The following AP5B1 variants were observed in gnomAD, a reference collection of about 807,000 sequenced individuals.
AP5B1 encodes AP-5 complex subunit beta-1.
In AP5B1, 3 loss-of-function variants were observed where a neutral mutation model predicts 5.7. That is an observed-to-expected ratio of 0.53 (90% CI 0.24 to 1.36). The LOEUF (loss-of-function observed/expected upper bound fraction) is 1.36, where lower values mean the gene tolerates loss of function less well. AP5B1 is among the 40% of genes most tolerant of loss of function. AP5B1 has a pLI of 0.17. For missense variants in AP5B1, 1,310 were observed against 1,143.2 expected, an observed-to-expected ratio of 1.15 and a Z score of -2.10; for synonymous variants, 696 against 555.5, an observed-to-expected ratio of 1.25 and a Z score of -3.56.
rs776862688 is a variant in AP5B1 at position 65,780,009 on chromosome 11, G to T, written c.484C>A (p.Pro162Thr). The T allele has an allele frequency of 1.0e-4, 160 of 1,563,176 alleles. 1 individual carries two copies. Among genetic ancestry groups the T allele is most frequent in the Non-Finnish European group, 1.3e-4 (147 of 1,154,312 alleles). The change falls in exon 2 of 2, where the codon CCC becomes ACC. Residue 162 changes from proline to threonine, a missense_variant. By Grantham distance (38) the Pro-to-Thr change is conservative. Transcript: ENST00000532090. ...ECLRELESCK[P>T]GLLGGSLGLL... Reference sequence around the variant, plus strand: ...CCCAGGGAGCCCCCCAGCAGCCCGGGCTTGCAGCTCTCTAGCTCTCGCAGG... The same window carrying T: ...CCCAGGGAGCCCCCCAGCAGCCCGGTCTTGCAGCTCTCTAGCTCTCGCAGG...
chr11:65,778,314 G>A lies in AP5B1; in HGVS notation c.2179C>T (p.Pro727Ser). Residue 727 changes from proline to serine, a missense_variant, in exon 2 of 2, where the codon CCT (proline) becomes TCT (serine). Coordinates refer to ENST00000532090, the MANE Select transcript of AP5B1 (RefSeq NM_138368.5). ...GGGGCCGGGCATCGGGGCTGCAGAG[G>A]CAGGAGCAGAGGGCGGGCAGGGCGG... ...PGRPARPLLLPLQPRCPAPAR... is the reference protein window; with the variant it reads ...PGRPARPLLLSLQPRCPAPAR... 6.2e-7 allele frequency: 1 copy of A among 1,612,788 alleles called. No homozygotes were observed. The highest frequency in any genetic ancestry group is 8.5e-7 in the Non-Finnish European group (1 of 1,179,844).
At position 65,779,353 on chromosome 11, in the gene AP5B1, C is replaced by T. The variant is rs765868577; in HGVS notation, c.1140G>A (p.Pro380=). The T allele has an allele frequency of 3.8e-6, 6 of 1,592,494 alleles. No individual in the cohort carries two copies. The Admixed American group carries it at 8.6e-5, about 23-fold the overall frequency. Residue 380 remains proline (P), a synonymous_variant, in exon 2 of 2, where the codon CCG becomes CCA. Coordinates refer to ENST00000532090, the MANE Select transcript of AP5B1 (RefSeq NM_138368.5). ...CAGCCTCCTCACCTTCAGGGCCCAG[C>T]GGCCAGTTCTCAGGGAAGCTCAGGA... The part of the protein sequence containing the change: ...HCVLSFPENW[P]LGPEGEEAAP...
At position 65,780,119 on chromosome 11, in the gene AP5B1, A is replaced by G. The variant is rs1271213931; in HGVS notation, c.374T>C (p.Leu125Pro). The G allele has an allele frequency of 6.6e-7, 1 of 1,504,880 alleles. No individual in the cohort carries two copies. The highest frequency in any genetic ancestry group is 2.5e-5 in the East Asian group (1 of 39,248). The allele number at this position is 1,504,880 out of a possible 1,614,324, so 93.2% of individuals were successfully genotyped here. Residue 125 changes from leucine (L) to proline (P), a missense_variant, in exon 2 of 2, where the codon CTC becomes CCC. By Grantham distance (98) the Leu-to-Pro change is moderately conservative. Coordinates refer to ENST00000532090, the MANE Select transcript of AP5B1 (RefSeq NM_138368.5). ...GASCRLLPLLLGLAAGSDLGR... is the reference protein window; with the variant it reads ...GASCRLLPLLPGLAAGSDLGR... ...CAGATCGCTACCCGCGGCCAGGCCG[A>G]GCAGTAGGGGCAGGAGCCGGCAGGA... is the stretch of plus-strand genomic sequence containing the variant.
rs755163611 is a variant in AP5B1 at position 65,779,206 on chromosome 11, CTCT to C, written c.1284_1286del (p.Glu430del). On this transcript the variant is annotated inframe_deletion, in exon 2 of 2. Transcript: ENST00000532090. ...GTGGGCTTGGAAGCTGGCCTTTCTC[CTCT>C]TCTTCCTCCTCGGCACAGAGCAGGC... 5.0e-6 allele frequency: 8 copies of C among 1,605,862 alleles called. No individual in the cohort carries two copies. Among genetic ancestry groups the C allele is most frequent in the East Asian group, 4.5e-5 (2 of 44,834 alleles).
chr11:65,778,600 C>G lies in AP5B1; in HGVS notation c.1893G>C (p.Leu631=), dbSNP rs773089514. ...GTGCAGGTGCGGCAAGCGAGGGGCC[C>G]AGGGCCACCCCCAACTTGGGTGCTG... ...HLAAPKLGVA[L]GPSLAAPALA... Residue 631 remains leucine, a synonymous_variant, in exon 2 of 2, where the codon CTG becomes CTC. Coordinates refer to ENST00000532090, the MANE Select transcript of AP5B1 (RefSeq NM_138368.5). The G allele has an allele frequency of 6.3e-7, 1 of 1,594,106 alleles. No homozygotes were observed. Among genetic ancestry groups the G allele is most frequent in the African/African-American group, 1.3e-5 (1 of 74,710 alleles).
In AP5B1 at chr11:65,774,207, C is replaced by T. The variant is rs1049462183; in HGVS notation, c.*3649G>A. Among the ~76,000 whole-genome samples, 2 of 152,222 alleles carry T rather than the reference C, an allele frequency of 1.3e-5. No individual in the cohort carries two copies. The highest frequency in any genetic ancestry group is 2.9e-5 in the Non-Finnish European group (2 of 68,036). ...GGCCACGAGGTGGCATCTGTTCAGT[C>T]GGTGGGGTTTTAGGATTTTTAGTTT... On this transcript the variant is annotated 3_prime_UTR_variant, in exon 2 of 2. Coordinates refer to ENST00000532090, the MANE Select transcript of AP5B1 (RefSeq NM_138368.5).
rs1309628194 is a variant in AP5B1 at position 65,779,786 on chromosome 11, T to G, written c.707A>C (p.Gln236Pro). ...TLVEEGDGRL[Q>P]PQAPSWPAAE... ...TGCCGGCCAGCTGGGTGCCTGGGGC[T>G]GAAGGCGTCCATCGCCCTCCTCCAC... is the stretch of plus-strand genomic sequence containing the variant. The change falls in exon 2 of 2, where the codon CAG becomes CCG. Residue 236 changes from glutamine to proline, a missense_variant. By Grantham distance (76) the Gln-to-Pro change is moderately conservative. Coordinates refer to ENST00000532090, the MANE Select transcript of AP5B1 (RefSeq NM_138368.5). 5 of 1,584,454 alleles carry G rather than the reference T, an allele frequency of 3.2e-6. No homozygotes were observed. The highest frequency in any genetic ancestry group is 4.3e-6 in the Non-Finnish European group (5 of 1,165,820).
In AP5B1 at chr11:65,776,917, C is replaced by G. The variant is rs1857771318; in HGVS notation, c.*939G>C. 1 of 152,110 alleles carries G rather than the reference C, an allele frequency of 6.6e-6. No homozygotes were observed. The highest frequency in any genetic ancestry group is 6.6e-5 in the Admixed American group (1 of 15,266). The allele number at this position is 152,110 out of a possible 1,614,324, so 9.4% of individuals were successfully genotyped here. A position where few individuals can be genotyped will look rare whatever the true frequency, so the allele number is the denominator to read the frequency against. On this transcript the variant is annotated 3_prime_UTR_variant, in exon 2 of 2. Transcript: ENST00000532090. The stretch of plus-strand genomic sequence containing the variant: ...GCTGAGGCAGAAGAGTCATTTAAGC[C>G]CAGGAGTTCGAGACCAGCCTAGGAA...
chr11:65,778,530 G>A lies in AP5B1; in HGVS notation c.1963C>T (p.Leu655=). ...AGGGCCGGTGCCTCCTGCACCATCA[G>A]TGCTGCCACAAAGCCCTGGTTCTCG... The part of the protein sequence containing the change: ...VAENQGFVAA[L]MVQEAPALVR... The change falls in exon 2 of 2, where the codon CTG becomes TTG. Residue 655 remains leucine (L), a synonymous_variant. Transcript: ENST00000532090. 6.3e-7 allele frequency: 1 copy of A among 1,577,068 alleles called. No homozygotes were observed. The highest frequency in any genetic ancestry group is 8.6e-7 in the Non-Finnish European group (1 of 1,164,834).
Position 65,780,628 on chromosome 11 carries a change from C to A in AP5B1, c.-37G>T. On this transcript the variant is annotated 5_prime_UTR_variant, in exon 1 of 2. Transcript: ENST00000532090. ...CGGGCCCCTGCGCAGGGAAGAGGGA[C>A]CCTCAGGCCGCAGCCACCGGGAGCG... The A allele has an allele frequency of 7.6e-7, 1 of 1,322,652 alleles. No homozygotes were observed. Among genetic ancestry groups the A allele is most frequent in the Non-Finnish European group, 9.6e-7 (1 of 1,037,078 alleles). 81.9% of individuals were successfully genotyped at this position (1,322,652 alleles called of 1,614,324 possible).
At position 65,779,802 on chromosome 11, in the gene AP5B1, C is replaced by G; in HGVS notation, c.691G>C (p.Gly231Arg). 6.3e-7 allele frequency: 1 copy of G among 1,585,964 alleles called. No homozygotes were observed. The highest frequency in any genetic ancestry group is 8.6e-7 in the Non-Finnish European group (1 of 1,166,172). Residue 231 changes from glycine (G) to arginine (R), a missense_variant, in exon 2 of 2, where the codon GGC (glycine) becomes CGC (arginine). Physicochemically the swap from Gly to Arg is moderately radical, Grantham distance 125. Coordinates refer to ENST00000532090, the MANE Select transcript of AP5B1 (RefSeq NM_138368.5). ...GCCTGGGGCTGAAGGCGTCCATCGC[C>G]CTCCTCCACTAGTGTCCAATCCCAG... is the stretch of plus-strand genomic sequence containing the variant. ...GPWDWTLVEE[G>R]DGRLQPQAPS...
In AP5B1 at chr11:65,780,232, C is replaced by CG. The variant is rs1857832359; in HGVS notation, c.260dup (p.Arg88AlafsTer44). On this transcript the variant is annotated frameshift_variant, in exon 2 of 2. Coordinates refer to ENST00000532090, the MANE Select transcript of AP5B1 (RefSeq NM_138368.5). LOFTEE classifies it low-confidence loss of function (END_TRUNC). ...GTGGCCGACGGAGAGCTGAGGGCCG[C>CG]GGGGGTAGGAGGACCAAGGTGTCCA... 2.0e-6 allele frequency: 3 copies of CG among 1,512,050 alleles called. No individual in the cohort carries two copies. The highest frequency in any genetic ancestry group is 2.6e-6 in the Non-Finnish European group (3 of 1,134,020). The allele number at this position is 1,512,050 out of a possible 1,614,324, so 93.7% of individuals were successfully genotyped here.
rs1445185510 is a variant in AP5B1 at position 65,779,714 on chromosome 11, C to T, written c.779G>A (p.Ser260Asn). The T allele has an allele frequency of 1.2e-6, 2 of 1,610,756 alleles. No homozygotes were observed. The highest frequency in any genetic ancestry group is 1.3e-5 in the African/African-American group (1 of 75,028). Residue 260 changes from serine to asparagine, a missense_variant, in exon 2 of 2, where the codon AGC (serine) becomes AAC (asparagine). Ser to Asn is a conservative substitution (Grantham distance 46). Coordinates refer to ENST00000532090, the MANE Select transcript of AP5B1 (RefSeq NM_138368.5). ...GERSLTAREH[S>N]PEEARELRAA... ...CCGCAGCTCCCGCGCCTCCTCAGGG[C>T]TGTGCTCTCGTGCTGTAAGGCTACG...
chr11:65,780,533 G>C lies in AP5B1; in HGVS notation c.59C>G (p.Pro20Arg), dbSNP rs1010440662. Residue 20 changes from proline (P) to arginine (R), a missense_variant, in exon 1 of 2, where the codon CCG (proline) becomes CGG (arginine). Pro to Arg is a moderately radical substitution (Grantham distance 103, BLOSUM62 -2). Transcript: ENST00000532090. ...AQRLGAFRAS[P>R]SAFMAGPEGE... ...CTCGGGACCTGCCATGAAGGCAGAC[G>C]GGCTGGCCCGGAAGGCCCCCAAGCG... 5.3e-6 allele frequency: 8 copies of C among 1,512,196 alleles called. No individual in the cohort carries two copies. The East Asian group carries it at 1.3e-4, about 25-fold the overall frequency. 93.7% of individuals were successfully genotyped at this position (1,512,196 alleles called of 1,614,324 possible).
chr11:65,780,557 C>T lies in AP5B1; in HGVS notation c.35G>A (p.Arg12His). 1 of 1,500,932 alleles carries T rather than the reference C, an allele frequency of 6.7e-7. No homozygotes were observed. Among genetic ancestry groups the T allele is most frequent in the Non-Finnish European group, 8.8e-7 (1 of 1,130,852 alleles). The allele number at this position is 1,500,932 out of a possible 1,614,324, so 93.0% of individuals were successfully genotyped here. ...CGGGCTGGCCCGGAAGGCCCCCAAGCGCTGGGCCCAGGCGTCCCGGCTCAG... is the reference window on the plus strand; with the variant it reads ...CGGGCTGGCCCGGAAGGCCCCCAAGTGCTGGGCCCAGGCGTCCCGGCTCAG... ...GPLSRDAWAQ[R>H]LGAFRASPSA... Residue 12 changes from arginine (R) to histidine (H), a missense_variant, in exon 1 of 2, where the codon CGC (arginine) becomes CAC (histidine). By Grantham distance (29) the Arg-to-His change is conservative. Transcript: ENST00000532090.
At position 65,779,501 on chromosome 11, in the gene AP5B1, T is replaced by G; in HGVS notation, c.992A>C (p.Lys331Thr). ...GAACAAGGCCTCACCAAAGGCCGCC[T>G]TGAGCGCAAGCATGGCGTGCAACAG... ...LTLLHAMLAL[K>T]AAFGEALFTA... The change falls in exon 2 of 2, where the codon AAG becomes ACG. Residue 331 changes from lysine to threonine, a missense_variant. Coordinates refer to ENST00000532090, the MANE Select transcript of AP5B1 (RefSeq NM_138368.5). 1.2e-6 allele frequency: 2 copies of G among 1,603,874 alleles called. No homozygotes were observed. Among genetic ancestry groups the G allele is most frequent in the Non-Finnish European group, 8.5e-7 (1 of 1,176,108 alleles).
In AP5B1 at chr11:65,780,657, G is replaced by C. The variant is rs1857840207; in HGVS notation, c.-66C>G. On this transcript the variant is annotated 5_prime_UTR_variant, in exon 1 of 2. Transcript: ENST00000532090. The stretch of plus-strand genomic sequence containing the variant: ...CAGGCCGCAGCCACCGGGAGCGCGG[G>C]GCCCGCTGCCGACCCCGAGGGGCTG... 1.5e-6 allele frequency: 2 copies of C among 1,298,042 alleles called. No homozygotes were observed. The highest frequency in any genetic ancestry group is 2.0e-6 in the Non-Finnish European group (2 of 1,023,796). The allele number at this position is 1,298,042 out of a possible 1,614,324, so 80.4% of individuals were successfully genotyped here. A position where few individuals can be genotyped will look rare whatever the true frequency, so the allele number is the denominator to read the frequency against.
rs1006008324 is a variant in AP5B1 at position 65,776,315 on chromosome 11, T to C, written c.*1541A>G. On this transcript the variant is annotated 3_prime_UTR_variant, in exon 2 of 2. Coordinates refer to ENST00000532090, the MANE Select transcript of AP5B1 (RefSeq NM_138368.5). ...GGCAGCAGAAGAGGGCAGAGACGGT[T>C]GGGACCTCTGTGGCCCTGGCTGAGG... 21 of 152,256 alleles carry C rather than the reference T, an allele frequency of 1.4e-4. No individual in the cohort carries two copies. The highest frequency in any genetic ancestry group is 4.6e-4 in the African/African-American group (19 of 41,450). The allele number at this position is 152,256 out of a possible 1,614,324, so 9.4% of individuals were successfully genotyped here. A position where few individuals can be genotyped will look rare whatever the true frequency, so the allele number is the denominator to read the frequency against.
In AP5B1 at chr11:65,778,525, C is replaced by A; in HGVS notation, c.1968G>T (p.Met656Ile). 1 of 1,575,640 alleles carries A rather than the reference C, an allele frequency of 6.3e-7. No individual in the cohort carries two copies. Among genetic ancestry groups the A allele is most frequent in the East Asian group, 2.3e-5 (1 of 42,956 alleles). The change falls in exon 2 of 2, where the codon ATG becomes ATT. Residue 656 changes from methionine (M) to isoleucine (I), a missense_variant. Coordinates refer to ENST00000532090, the MANE Select transcript of AP5B1 (RefSeq NM_138368.5). ...GTACCAGGGCCGGTGCCTCCTGCACCATCAGTGCTGCCACAAAGCCCTGGT... is the reference window on the plus strand; with the variant it reads ...GTACCAGGGCCGGTGCCTCCTGCACAATCAGTGCTGCCACAAAGCCCTGGT... ...AENQGFVAALMVQEAPALVRL... is the reference protein window; with the variant it reads ...AENQGFVAALIVQEAPALVRL...
Sources: allele counts gnomAD v4.1 joint callset (sites outside exome capture counted in the v4.1 genomes callset), GRCh38; gene constraint gnomAD v4.1.1; transcripts MANE v1.5; gene names NCBI Gene and HGNC (gene_info 2026-07-23, HGNC 2026-07-21).